SLFN12L: variants seen among roughly 807,000 people sequenced by gnomAD.
The protein encoded by SLFN12L is schlafen family member 12 like, also known as schlafen family member 12-like.
In SLFN12L, 34 loss-of-function variants were observed where a neutral mutation model predicts 34.8. The observed-to-expected ratio is 0.98, with a 90% CI of 0.74 to 1.30. The LOEUF is 1.30. Ranked by LOEUF, SLFN12L falls within the 50% of genes most tolerant of loss-of-function variation. SLFN12L has a pLI of 0.00. For missense variants in SLFN12L, 703 were observed against 696.2 expected (o/e 1.01, Z -0.11); for synonymous variants, 259 against 247.5 (o/e 1.05, Z -0.44).
chr17:35,527,820 C>T (rs2072353051), intron 1 of SLFN12L, among the ~76,000 whole-genome samples: 1 of 152,146 alleles, frequency 6.6e-6, no homozygotes, highest in African/African-American at 2.4e-5. Context: ...TCTCACCACT[C>T]CTAGTCAACA....
Position 35,469,316 on chromosome 17 carries a change from TTATATATATAAATATATATATAA to T in SLFN12L, c.*5584_*5606del, listed in dbSNP as rs1341430209. The stretch of plus-strand genomic sequence containing the variant: ...TATATATATATAAAATATATATATA[TTATATATATAAATATATATATAA>T]TATATATATATATGTATTTCAAACT... On this transcript the variant is annotated 3_prime_UTR_variant, in exon 5 of 5. Transcript: ENST00000628453. Among the ~76,000 whole-genome samples, 12 of 131,772 alleles carry T rather than the reference TTATATATATAAATATATATATAA, an allele frequency of 9.1e-5. No individual in the cohort carries two copies. In the South Asian group the frequency reaches 1.1e-3, roughly 13 times the overall value. The allele number at this position is 131,772 out of a possible 152,430, so 86.4% of individuals were successfully genotyped here.
chr17:35,496,713 TG>T (rs1459136178), intron 2 of SLFN12L, among the ~76,000 whole-genome samples: 1 of 151,892 alleles, frequency 6.6e-6, no homozygotes, highest in East Asian at 1.9e-4. Context: ...ACTGGGAGAG[TG>T]CAGCGCTCCT....
At position 35,473,026 on chromosome 17, in the gene SLFN12L, G is replaced by T. The variant is rs148879867; in HGVS notation, c.*1897C>A. Among the ~76,000 whole-genome samples, 2,331 of 152,214 alleles carry T rather than the reference G, an allele frequency of 0.015. 55 individuals carry two copies. The highest frequency in any genetic ancestry group is 0.052 in the African/African-American group (2,149 of 41,518). On this transcript the variant is annotated 3_prime_UTR_variant, in exon 5 of 5. Coordinates refer to ENST00000628453, the MANE Select transcript of SLFN12L (RefSeq NM_001363830.2). ...TGTATCCTGAGACTTTGCTGAAGTT[G>T]CTTATCAGCTTAAGGAATTTGGAGG...
chr17:35,531,708 G>A (rs756140515), intron 1 of SLFN12L, among the ~76,000 whole-genome samples: 5 of 151,962 alleles, frequency 3.3e-5, no homozygotes, highest in Admixed American at 6.6e-5. Flanking sequence ...CCTCCATCTC[G>A]CAGGTTCAAG....
chr17:35,473,442 A>G lies in SLFN12L; in HGVS notation c.*1481T>C, dbSNP rs1385165081. 1.3e-5 allele frequency among the ~76,000 whole-genome samples: 2 copies of G among 152,136 alleles called. No individual in the cohort carries two copies. Among genetic ancestry groups the G allele is most frequent in the Non-Finnish European group, 2.9e-5 (2 of 68,026 alleles). On this transcript the variant is annotated 3_prime_UTR_variant, in exon 5 of 5. Transcript: ENST00000628453. ...TTTTGTCATTGTTTCTGTTTATGTG[A>G]TGAATTACATTTATTGATTTGTGTT...
At position 35,487,589 on chromosome 17, in the gene SLFN12L, G is replaced by A. The variant is rs1018292593; in HGVS notation, c.87-7394C>T. On this transcript the variant is annotated intron_variant, in intron 2 of 4. Coordinates refer to ENST00000628453, the MANE Select transcript of SLFN12L (RefSeq NM_001363830.2). ...GATTCCTTGCAGGCGCTGTGCCAGCGCGGGCCCTTAAGCAACTGAAAGTTA... is the reference window on the plus strand; with the variant it reads ...GATTCCTTGCAGGCGCTGTGCCAGCACGGGCCCTTAAGCAACTGAAAGTTA... The A allele has an allele frequency of 1.3e-5, 11 of 835,084 alleles. No individual in the cohort carries two copies. The East Asian group carries it at 3.0e-4, about 23-fold the overall frequency. 51.7% of individuals were successfully genotyped at this position (835,084 alleles called of 1,614,324 possible). A position where few individuals can be genotyped will look rare whatever the true frequency, so the allele number is the denominator to read the frequency against.
At chr17:35,489,080 C>G (rs989166460) in intron 2 of SLFN12L, among the ~76,000 whole-genome samples, 16 of 151,828 alleles carry the variant, frequency 1.1e-4, no homozygotes, top group African/African-American at 3.9e-4. Flanking sequence ...AAAAACAAAA[C>G]AAAACAAAAG....
At chr17:35,494,066 A>G (rs558591769) in intron 2 of SLFN12L, among the ~76,000 whole-genome samples, 1 of 152,324 alleles carries the variant, frequency 6.6e-6, no homozygotes, top group African/African-American at 2.4e-5. Flanking sequence ...CTTGCAGAGT[A>G]AGTCGGGTAG....
chr17:35,501,781 G>A (rs1915302396), intron 2 of SLFN12L, among the ~76,000 whole-genome samples: 1 of 152,172 alleles, frequency 6.6e-6, no homozygotes, highest in Non-Finnish European at 1.5e-5. Context: ...AAGGAAGCCT[G>A]GACAGGTCCC....
chr17:35,464,437 T>G lies in SLFN12L; in HGVS notation c.*10486A>C, dbSNP rs746458288. The G allele has an allele frequency of 1.5e-3, 84 of 54,738 alleles. No individual in the cohort carries two copies. The highest frequency in any genetic ancestry group is 2.5e-3 in the Admixed American group (11 of 4,368). 3.4% of individuals were successfully genotyped at this position (54,738 alleles called of 1,614,324 possible). ...CTCCTCCCACCCTCCCCCCCTCAAATAGACCCCAGTGTCTGCTGTTTCCTT... is the reference window on the plus strand; with the variant it reads ...CTCCTCCCACCCTCCCCCCCTCAAAGAGACCCCAGTGTCTGCTGTTTCCTT... On this transcript the variant is annotated 3_prime_UTR_variant, in exon 5 of 5. Transcript: ENST00000628453.
Position 35,473,478 on chromosome 17 carries a change from G to T in SLFN12L, c.*1445C>A, listed in dbSNP as rs886511195. ...TTATTGATTTGTGTTTGTTGAATCA[G>T]CCTTGCATCCCAGGGATGAGGCCCA... On this transcript the variant is annotated 3_prime_UTR_variant, in exon 5 of 5. Coordinates refer to ENST00000628453, the MANE Select transcript of SLFN12L (RefSeq NM_001363830.2). 1.3e-5 allele frequency among the ~76,000 whole-genome samples: 2 copies of T among 152,196 alleles called. No homozygotes were observed. Among genetic ancestry groups the T allele is most frequent in the Non-Finnish European group, 2.9e-5 (2 of 68,036 alleles).
At chr17:35,524,582 G>A (rs561061590) in intron 1 of SLFN12L, among the ~76,000 whole-genome samples, 2 of 152,218 alleles carry the variant, frequency 1.3e-5, no homozygotes, top group Non-Finnish European at 2.9e-5. Flanking sequence ...CCAGGCAAAC[G>A]GGGTCTGCAG....
chr17:35,490,823 T>C (rs576808381), intron 2 of SLFN12L: 2 of 1,262,498 alleles, frequency 1.6e-6, no homozygotes, highest in South Asian at 2.4e-5. Context: ...TAAGAGAGCC[T>C]ACAAATACAT....
At position 35,475,315 on chromosome 17, in the gene SLFN12L, C is replaced by T. The variant is rs948700647; in HGVS notation, c.1447G>A (p.Val483Ile). 6 of 1,614,060 alleles carry T rather than the reference C, an allele frequency of 3.7e-6. No homozygotes were observed. In the Admixed American group the frequency reaches 6.7e-5, roughly 18 times the overall value. ...GAAATCAGAAGAGCATCACAGAGGA[C>T]TTTGTGGTTCTCTTGCAAGCCCAGA... ...LDLGLQENHK[V>I]LCDALLISQD... is the part of the protein sequence containing the mutation. The change falls in exon 5 of 5, where the codon GTC becomes ATC. Residue 483 changes from valine (V) to isoleucine (I), a missense_variant. Coordinates refer to ENST00000628453, the MANE Select transcript of SLFN12L (RefSeq NM_001363830.2).
chr17:35,498,070 G>A (rs1915151780), intron 2 of SLFN12L: 1 of 533,790 alleles, frequency 1.9e-6, no homozygotes, highest in Non-Finnish European at 3.3e-6. Context: ...GCCCAGAGCG[G>A]CGGCGAGGGC....
In SLFN12L at chr17:35,472,349, A is replaced by G. The variant is rs373084838; in HGVS notation, c.*2574T>C. Among the ~76,000 whole-genome samples the G allele has an allele frequency of 2.0e-5, 3 of 152,174 alleles. No individual in the cohort carries two copies. The highest frequency in any genetic ancestry group is 7.2e-5 in the African/African-American group (3 of 41,440). The stretch of plus-strand genomic sequence containing the variant: ...GGGATCCAGTTTCAGTTTTCTGCAT[A>G]TGGCTAGCCAGTTCTCCCAGCACCA... On this transcript the variant is annotated 3_prime_UTR_variant, in exon 5 of 5. Coordinates refer to ENST00000628453, the MANE Select transcript of SLFN12L (RefSeq NM_001363830.2).
chr17:35,478,348 G>T, intron 3 of SLFN12L, 163 bp from the exon 4 acceptor site: 1 of 483,788 alleles, frequency 2.1e-6, no homozygotes. Flanking sequence ...TAGATTCCTA[G>T]GTCAGATACA....
At position 35,508,382 on chromosome 17, in the gene SLFN12L, T is replaced by C. The variant is rs78281602; in HGVS notation, c.86+13897A>G. On this transcript the variant is annotated intron_variant, in intron 2 of 4. Transcript: ENST00000628453. ...CCTGCTACAAGACGGTGTCTCACTCTGTTGCCCAGGCTGGAGTGCAGTGGC... is the reference window on the plus strand; with the variant it reads ...CCTGCTACAAGACGGTGTCTCACTCCGTTGCCCAGGCTGGAGTGCAGTGGC... 0.011 allele frequency among the ~76,000 whole-genome samples: 1,666 copies of C among 152,342 alleles called. 98 individuals are homozygous for C. In the East Asian group the frequency reaches 0.18, roughly 16 times the overall value.
intron 2 of SLFN12L, among the ~76,000 whole-genome samples, chr17:35,517,148 T>G (rs1915853136): frequency 6.6e-6 from 1 of 152,156 alleles, no homozygotes; most frequent in African/African-American, 2.4e-5. Context: ...GGCACAGATC[T>G]TGGTTTTTGC....
Sources: allele counts gnomAD v4.1 joint callset (sites outside exome capture counted in the v4.1 genomes callset), GRCh38; gene constraint gnomAD v4.1.1; transcripts MANE v1.5; gene names NCBI Gene and HGNC (gene_info 2026-07-23, HGNC 2026-07-21).